LRRK2: variants seen among roughly 807,000 people sequenced by gnomAD.
The protein encoded by LRRK2 is leucine rich repeat kinase 2, also known as leucine-rich repeat serine/threonine-protein kinase 2.
LRRK2 carries 203 observed loss-of-function variants against 302.6 expected under a neutral mutation model. That is an observed-to-expected ratio of 0.67 (90% CI 0.60 to 0.75). The LOEUF (loss-of-function observed/expected upper bound fraction) is 0.75. Ranked by LOEUF, LRRK2 falls within the 30% of genes least tolerant of loss-of-function variation. The pLI, the probability that LRRK2 is intolerant of heterozygous loss-of-function variation, is 0.00. For missense variants in LRRK2, 2,830 were observed against 2,951.0 expected (o/e 0.96, Z 0.95); for synonymous variants, 1,066 against 1,031.9 (o/e 1.03, Z -0.63).
At chr12:40,365,467 A>T (rs972849946) in intron 49 of LRRK2, 1 of 169,518 alleles carries the variant, frequency 5.9e-6, no homozygotes. Context: ...TTTTTCTTGC[A>T]GCAATACATG....
intron 42 of LRRK2, 42 bp from the exon 43 acceptor site, chr12:40,348,367 T>C (rs1946258004): frequency 7.5e-7 from 1 of 1,341,738 alleles, no homozygotes; most frequent in South Asian, 1.2e-5. Context: ...TAACCATTCT[T>C]ACTTATTTAG....
intron 19 of LRRK2, among the ~76,000 whole-genome samples, chr12:40,284,338 A>G (rs1943830957): frequency 6.6e-6 from 1 of 151,636 alleles, no homozygotes; most frequent in African/African-American, 2.4e-5. Flanking sequence ...GTTATTTATA[A>G]AAATAGAGCA....
chr12:40,354,127 C>A (rs7308626), intron 44 of LRRK2, among the ~76,000 whole-genome samples, 172 bp from the exon 45 acceptor site: 5 of 152,136 alleles, frequency 3.3e-5, no homozygotes, highest in African/African-American at 1.2e-4. Context: ...CAAAACTTGT[C>A]TGCCAATTAA....
rs1161566718 is a variant in LRRK2 at position 40,299,091 on chromosome 12, C to A, written c.3348-18C>A. The A allele has an allele frequency of 6.2e-7, 1 of 1,609,996 alleles. No individual in the cohort carries two copies. The highest frequency in any genetic ancestry group is 2.2e-5 in the East Asian group (1 of 44,652). On this transcript the variant is annotated intron_variant, in intron 24 of 50. Transcript: ENST00000298910. Reference sequence around the variant, plus strand: ...TGAATTTATGCAATTTAATCATTATCTTGTCTCTTGTGACTAGAAATAAAA... The same window carrying A: ...TGAATTTATGCAATTTAATCATTATATTGTCTCTTGTGACTAGAAATAAAA...
chr12:40,225,356 C>A, intron 1 of LRRK2, 74 bp downstream of exon 1: 1 of 1,547,904 alleles, frequency 6.5e-7, no homozygotes, highest in South Asian at 1.2e-5. Flanking sequence ...CAAATTTTGT[C>A]CTCCTCCCCT....
chr12:40,367,902 TA>T lies in LRRK2; in HGVS notation c.*139del, dbSNP rs2137061370. ...GTGTATGAAGGAATGTTATTATTTT[TA>T]ATTTAAATATATGTAAAAATACTTA... On this transcript the variant is annotated 3_prime_UTR_variant, in exon 51 of 51. Coordinates refer to ENST00000298910, the MANE Select transcript of LRRK2 (RefSeq NM_198578.4). 1 of 650,638 alleles carries T rather than the reference TA, an allele frequency of 1.5e-6. No homozygotes were observed. The highest frequency in any genetic ancestry group is 3.7e-5 in the Admixed American group (1 of 27,260). 40.3% of individuals were successfully genotyped at this position (650,638 alleles called of 1,614,324 possible).
chr12:40,278,286 G>T lies in LRRK2; in HGVS notation c.2241+25G>T, dbSNP rs1359241125. 7 of 1,613,554 alleles carry T rather than the reference G, an allele frequency of 4.3e-6. No individual in the cohort carries two copies. The Admixed American group carries it at 6.7e-5, about 15-fold the overall frequency. On this transcript the variant is annotated intron_variant, in intron 18 of 50. Transcript: ENST00000298910. ...GGTAAATATTCAAGGCCTCACTTTT[G>T]TCTTTGCTCAGTATTCTTATAGAAT... is the stretch of plus-strand genomic sequence containing the variant.
At chr12:40,335,277 G>T in intron 40 of LRRK2, 120 bp downstream of exon 40, 1 of 1,095,802 alleles carries the variant, frequency 9.1e-7, no homozygotes, top group Admixed American at 2.0e-5. Flanking sequence ...AAACAATTTG[G>T]ATGAAAACTA....
Position 40,334,970 on chromosome 12 carries a change from C to T in LRRK2, c.5761C>T (p.Leu1921Phe). 6.2e-7 allele frequency: 1 copy of T among 1,613,844 alleles called. No homozygotes were observed. Among genetic ancestry groups the T allele is most frequent in the Non-Finnish European group, 8.5e-7 (1 of 1,179,938 alleles). ...ACATGATTTTGGACTTTTGCAGGAG[C>T]TTGTGGTGCTTTGCCACCTCCACCA... Reference protein sequence around the residue: ...HTSLRLLRQELVVLCHLHHPS... With the variant: ...HTSLRLLRQEFVVLCHLHHPS... Residue 1921 changes from leucine to phenylalanine, a missense_variant, in exon 40 of 51, where the codon CTT becomes TTT. Leu to Phe is a conservative substitution (Grantham distance 22). Coordinates refer to ENST00000298910, the MANE Select transcript of LRRK2 (RefSeq NM_198578.4).
rs567161811 is a variant in LRRK2, at chr12:40,307,210, A to G, written c.3959+1244A>G. Reference sequence around the variant, plus strand: ...TGGTGCATTCTTAAGAAATAAATCAAGAAAGGTAATGTTGCTTTTTGGTCA... The same window carrying G: ...TGGTGCATTCTTAAGAAATAAATCAGGAAAGGTAATGTTGCTTTTTGGTCA... On this transcript the variant is annotated intron_variant, in intron 28 of 50. Transcript: ENST00000298910. Among the ~76,000 whole-genome samples the G allele has an allele frequency of 2.6e-5, 4 of 152,164 alleles. No homozygotes were observed. The East Asian group carries it at 7.7e-4, about 29-fold the overall frequency.
At chr12:40,225,309 T>C (rs753544051) in intron 1 of LRRK2, 27 bp downstream of exon 1, 1 of 1,612,776 alleles carries the variant, frequency 6.2e-7, no homozygotes, top group Admixed American at 1.7e-5. Flanking sequence ...AAACTGTGCT[T>C]TTATTTTTGC....
At chr12:40,284,360 GC>G (rs1943832551) in intron 19 of LRRK2, among the ~76,000 whole-genome samples, 1 of 150,348 alleles carries the variant, frequency 6.7e-6, no homozygotes, top group South Asian at 2.1e-4. Flanking sequence ...AATAGTGGAA[GC>G]TTTTTGAAGG....
chr12:40,276,129 A>C, intron 16 of LRRK2, among the ~76,000 whole-genome samples: 1 of 152,170 alleles, frequency 6.6e-6, no homozygotes, highest in Non-Finnish European at 1.5e-5. Flanking sequence ...GATTAAACCA[A>C]GATAGGATTG....
intron 47 of LRRK2, among the ~76,000 whole-genome samples, chr12:40,362,867 T>C (rs1056117541): frequency 6.6e-6 from 1 of 152,062 alleles, no homozygotes; most frequent in African/African-American, 2.4e-5. Flanking sequence ...TATGTTTGGA[T>C]GATGTGGATT....
At chr12:40,363,853 T>C (rs1191195406) in intron 48 of LRRK2, among the ~76,000 whole-genome samples, 1 of 152,032 alleles carries the variant, frequency 6.6e-6, no homozygotes. Flanking sequence ...AGCTTTGACA[T>C]AGTTCTGTCA....
intron 32 of LRRK2, 86 bp from the exon 33 acceptor site, chr12:40,315,126 G>T: frequency 1.8e-6 from 2 of 1,086,588 alleles, no homozygotes; most frequent in Non-Finnish European, 2.9e-6. Flanking sequence ...CCTGCAAAAT[G>T]AGGAAGTTGG....
intron 14 of LRRK2, among the ~76,000 whole-genome samples, chr12:40,268,779 C>T (rs1212805083): frequency 6.6e-6 from 1 of 152,066 alleles, no homozygotes; most frequent in Admixed American, 6.6e-5. Flanking sequence ...TGGTGTGATA[C>T]TGGCACTAGG....
chr12:40,274,436 AAAGT>A, intron 14 of LRRK2, 143 bp from the exon 15 acceptor site: 1 of 764,824 alleles, frequency 1.3e-6, no homozygotes, highest in East Asian at 2.7e-5. Flanking sequence ...ATAATAAATA[AAAGT>A]AATTAATGTT....
Position 40,320,105 on chromosome 12 carries a change from TA to T in LRRK2, c.4946del (p.Tyr1649PhefsTer5). 6.2e-7 allele frequency: 1 copy of T among 1,611,794 alleles called. No individual in the cohort carries two copies. Among genetic ancestry groups the T allele is most frequent in the Non-Finnish European group, 8.5e-7 (1 of 1,178,752 alleles). The part of the protein sequence containing the change: ...RKFPKNYMSQ[Y>X]FKLLEKFQIA... ...ATTTCCAAAGAACTACATGTCACAG[TA>T]TTTTAAGCTCCTAGAAAAATTCCAG... is the stretch of plus-strand genomic sequence containing the variant. On this transcript the variant is annotated frameshift_variant, in exon 34 of 51. Coordinates refer to ENST00000298910, the MANE Select transcript of LRRK2 (RefSeq NM_198578.4). LOFTEE classifies it high-confidence loss of function.
Sources: allele counts gnomAD v4.1 joint callset (sites outside exome capture counted in the v4.1 genomes callset), GRCh38; gene constraint gnomAD v4.1.1; transcripts MANE v1.5; gene names NCBI Gene and HGNC (gene_info 2026-07-23, HGNC 2026-07-21).